PDE11A: variants seen among roughly 807,000 people sequenced by gnomAD.
The protein encoded by PDE11A is phosphodiesterase 11A, also known as dual 3',5'-cyclic-AMP and -GMP phosphodiesterase 11A.
PDE11A carries 100 observed loss-of-function variants against 100.5 expected under a neutral mutation model. That is an observed-to-expected ratio of 1.00 (90% confidence interval 0.85 to 1.18). The LOEUF is 1.18. Among genes scored for constraint, PDE11A ranks in the 50% most tolerant of loss-of-function variants. The probability of loss-of-function intolerance (pLI) is 0.00; values close to 1 mark genes in which losing one functional copy is unlikely to be tolerated. For missense variants in PDE11A, 1,141 were observed against 1,152.6 expected, an observed-to-expected ratio of 0.99 and a Z score of 0.15; for synonymous variants, 381 against 420.8, an observed-to-expected ratio of 0.91 and a Z score of 1.16.
intron 9 of PDE11A, among the ~76,000 whole-genome samples, chr2:177,780,745 C>G (rs1226662473): frequency 2.0e-5 from 3 of 152,210 alleles, no homozygotes; most frequent in Admixed American, 2.0e-4. Flanking sequence ...CTGCTAGCTT[C>G]AAACTTTTCT....
At chr2:177,685,664 G>A (rs1365067661) in intron 15 of PDE11A, among the ~76,000 whole-genome samples, 1 of 152,024 alleles carries the variant, frequency 6.6e-6, no homozygotes, top group African/African-American at 2.4e-5. Context: ...GTTCTCCTGG[G>A]TTCAAGCGAT....
chr2:177,756,038 C>A (rs929478903), intron 10 of PDE11A, among the ~76,000 whole-genome samples: 2 of 152,186 alleles, frequency 1.3e-5, no homozygotes, highest in African/African-American at 4.8e-5. Context: ...AGACTTTGGG[C>A]TTTTACATAC....
chr2:178,065,438 G>C (rs183563839), intron 1 of PDE11A, among the ~76,000 whole-genome samples: 2 of 152,154 alleles, frequency 1.3e-5, no homozygotes, highest in South Asian at 2.1e-4. Context: ...AAAAAATTTA[G>C]TTAACCTTAA....
intron 1 of PDE11A, among the ~76,000 whole-genome samples, chr2:178,059,850 C>A (rs991457573): frequency 4.6e-5 from 7 of 152,152 alleles, no homozygotes; most frequent in African/African-American, 1.7e-4. Flanking sequence ...AGGACGCTCA[C>A]CACTTAAAGG....
chr2:177,647,618 C>G (rs2080242277), intron 19 of PDE11A, among the ~76,000 whole-genome samples: 1 of 152,138 alleles, frequency 6.6e-6, no homozygotes, highest in Admixed American at 6.5e-5. Flanking sequence ...TCCTGCCTAG[C>G]ACCAGACATG....
intron 3 of PDE11A, among the ~76,000 whole-genome samples, chr2:177,900,819 G>A (rs1278653972): frequency 3.3e-5 from 5 of 152,116 alleles, no homozygotes; most frequent in Non-Finnish European, 5.9e-5. Context: ...TCCATGAAAT[G>A]AGTCCAGTTC....
At chr2:177,819,420 G>A (rs2083098130) in intron 7 of PDE11A, among the ~76,000 whole-genome samples, 1 of 151,852 alleles carries the variant, frequency 6.6e-6, no homozygotes, top group African/African-American at 2.4e-5. Flanking sequence ...ACGTCTCTTA[G>A]GAAAAAAAGT....
chr2:178,008,320 G>A (rs551691822), intron 2 of PDE11A, among the ~76,000 whole-genome samples: 3 of 152,234 alleles, frequency 2.0e-5, no homozygotes, highest in Admixed American at 6.5e-5. Flanking sequence ...TTGCTCCCAC[G>A]AAATTGACTT....
At chr2:178,023,098 A>G (rs2086434607) in intron 1 of PDE11A, among the ~76,000 whole-genome samples, 1 of 152,186 alleles carries the variant, frequency 6.6e-6, no homozygotes, top group Non-Finnish European at 1.5e-5. Flanking sequence ...TGCCTCCTTC[A>G]TAGAGAACAG....
chr2:177,662,015 G>A (rs963699680), intron 19 of PDE11A, among the ~76,000 whole-genome samples: 3 of 152,186 alleles, frequency 2.0e-5, no homozygotes, highest in African/African-American at 7.2e-5. Flanking sequence ...CGACAGATAA[G>A]TAGTAAAGTA....
chr2:177,701,214 GA>G lies in PDE11A; in HGVS notation c.2154-4del. On this transcript the variant is annotated splice_polypyrimidine_tract_variant and splice_region_variant and intron_variant, in intron 13 of 19. Transcript: ENST00000286063. Reference sequence around the variant, plus strand: ...GTTGGGCCAGGGCAGAGCCACTCCTGAAAGAGGACAGAGGGTGAGTGAGCAG... The same window carrying G: ...GTTGGGCCAGGGCAGAGCCACTCCTGAAGAGGACAGAGGGTGAGTGAGCAG... 1 of 1,475,618 alleles carries G rather than the reference GA, an allele frequency of 6.8e-7. No individual in the cohort carries two copies. The highest frequency in any genetic ancestry group is 9.5e-7 in the Non-Finnish European group (1 of 1,053,836). The allele number at this position is 1,475,618 out of a possible 1,614,324, so 91.4% of individuals were successfully genotyped here.
At chr2:177,839,571 C>T (rs1236935342) in intron 6 of PDE11A, among the ~76,000 whole-genome samples, 1 of 152,170 alleles carries the variant, frequency 6.6e-6, no homozygotes, top group Admixed American at 6.5e-5. Context: ...ATTAGATCAT[C>T]TCACTTCCCC....
At chr2:177,961,110 C>T (rs2085626890) in intron 2 of PDE11A, among the ~76,000 whole-genome samples, 1 of 152,164 alleles carries the variant, frequency 6.6e-6, no homozygotes, top group Non-Finnish European at 1.5e-5. Context: ...CAGGAAGAGT[C>T]CAGGTTTCTC....
At chr2:177,865,386 T>C (rs1185732788) in intron 5 of PDE11A, among the ~76,000 whole-genome samples, 1 of 152,174 alleles carries the variant, frequency 6.6e-6, no homozygotes, top group Non-Finnish European at 1.5e-5. Context: ...AGCATCAAAA[T>C]GGAACCCTCA....
intron 2 of PDE11A, among the ~76,000 whole-genome samples, chr2:177,962,568 A>T (rs2085648251): frequency 1.3e-5 from 2 of 152,196 alleles, no homozygotes; most frequent in South Asian, 4.1e-4. Context: ...TTATGAAAGT[A>T]ATAAGCAGGA....
chr2:177,863,896 C>G (rs1049596778), intron 5 of PDE11A, among the ~76,000 whole-genome samples: 78 of 151,976 alleles, frequency 5.1e-4, no homozygotes, highest in African/African-American at 1.7e-3. Context: ...TTCTCATATT[C>G]ATTGCAGCAT....
intron 2 of PDE11A, among the ~76,000 whole-genome samples, chr2:177,966,655 T>G (rs777525683): frequency 1.3e-5 from 2 of 152,202 alleles, no homozygotes; most frequent in Non-Finnish European, 2.9e-5. Context: ...ATGAATCACA[T>G]TTATTGATTT....
At chr2:178,019,062 C>T (rs531693747) in intron 1 of PDE11A, among the ~76,000 whole-genome samples, 28 of 152,240 alleles carry the variant, frequency 1.8e-4, no homozygotes, top group Non-Finnish European at 2.6e-4. Context: ...TGTATTTTTC[C>T]TGATAAGGAT....
At chr2:177,828,366 C>T (rs1428887293) in intron 6 of PDE11A, among the ~76,000 whole-genome samples, 1 of 151,580 alleles carries the variant, frequency 6.6e-6, no homozygotes, top group Admixed American at 6.6e-5. Context: ...ACAAGAATGT[C>T]TATTATTTAC....
Sources: gnomAD v4.1 joint callset for allele counts (sites outside exome capture counted in the v4.1 genomes callset) on GRCh38, gnomAD v4.1.1 for gene constraint, MANE v1.5 for transcripts, NCBI Gene and HGNC (gene_info 2026-07-23, HGNC 2026-07-21) for gene names.